ACTR10: variants seen among roughly 807,000 people sequenced by gnomAD.
ACTR10 encodes actin related protein 10, also known as actin-related protein 10.
In ACTR10, 43 loss-of-function variants were observed where a neutral mutation model predicts 56.2. The ratio of observed to expected loss-of-function variants is 0.77; its 90% CI spans 0.60 to 0.99. ACTR10 has a LOEUF of 0.99. Among genes scored for constraint, ACTR10 ranks in the 50% least tolerant of loss-of-function variants. The pLI, the probability that ACTR10 is intolerant of heterozygous loss-of-function variation, is 0.00. For synonymous variants in ACTR10, 170 were observed against 176.3 expected, an observed-to-expected ratio of 0.96 and a Z score of 0.28; for missense variants, 466 against 507.8, an observed-to-expected ratio of 0.92 and a Z score of 0.79.
At chr14:58,221,065 C>T (rs763211769) in intron 8 of ACTR10, among the ~76,000 whole-genome samples, 3 of 151,830 alleles carry the variant, frequency 2.0e-5, no homozygotes, top group East Asian at 3.9e-4. Flanking sequence ...GGGCGGATCA[C>T]GAGGTCAAAA....
intron 8 of ACTR10, among the ~76,000 whole-genome samples, chr14:58,223,275 T>C (rs1392913525): frequency 1.3e-5 from 2 of 152,146 alleles, no homozygotes; most frequent in Admixed American, 6.5e-5. Flanking sequence ...CAGCTGGGAT[T>C]ACAGGCACCC....
chr14:58,213,362 C>T (rs1889047868), intron 5 of ACTR10: 1 of 270,726 alleles, frequency 3.7e-6, no homozygotes, highest in Non-Finnish European at 6.9e-6. Context: ...TAAGTAGCTG[C>T]ACAGGCCTAG....
chr14:58,216,212 C>T (rs917432763), intron 7 of ACTR10, among the ~76,000 whole-genome samples: 32 of 152,270 alleles, frequency 2.1e-4, no homozygotes, highest in Admixed American at 5.2e-4. Context: ...GCAGTCTCCA[C>T]CTCCTAGGCT....
In ACTR10 at chr14:58,209,492, A is replaced by G. The variant is rs765771267; in HGVS notation, c.342+385A>G. The stretch of plus-strand genomic sequence containing the variant: ...TATATTCTGTGCTGTGGACTTTGCA[A>G]TGTATTTCTTCCAGATCTTTCTAGC... On this transcript the variant is annotated intron_variant, in intron 4 of 12. Coordinates refer to ENST00000254286, the MANE Select transcript of ACTR10 (RefSeq NM_018477.3). Among the ~76,000 whole-genome samples, 132 of 152,008 alleles carry G rather than the reference A, an allele frequency of 8.7e-4. 2 individuals are homozygous for G. Among genetic ancestry groups the G allele is most frequent in the Non-Finnish European group, 2.8e-4 (19 of 67,974 alleles).
chr14:58,228,448 G>A (rs910894221), intron 10 of ACTR10, among the ~76,000 whole-genome samples: 11 of 151,960 alleles, frequency 7.2e-5, no homozygotes, highest in African/African-American at 1.2e-4. Flanking sequence ...GCAAAACCCC[G>A]TCTCTACTGA....
intron 3 of ACTR10, 85 bp from the exon 4 acceptor site, chr14:58,208,914 G>A (rs1251924226): frequency 1.2e-6 from 1 of 824,118 alleles, no homozygotes. Flanking sequence ...AGCTAAGGTA[G>A]TACAGTTTCA....
rs1278691989 is a variant in ACTR10 at position 58,234,939 on chromosome 14, CT to C, written c.*389del. 1 of 152,894 alleles carries C rather than the reference CT, an allele frequency of 6.5e-6. No homozygotes were observed. Among genetic ancestry groups the C allele is most frequent in the African/African-American group, 2.4e-5 (1 of 40,974 alleles). 9.5% of individuals were successfully genotyped at this position (152,894 alleles called of 1,614,324 possible). A position where few individuals can be genotyped will look rare whatever the true frequency, so the allele number is the denominator to read the frequency against. On this transcript the variant is annotated 3_prime_UTR_variant, in exon 13 of 13. Coordinates refer to ENST00000254286, the MANE Select transcript of ACTR10 (RefSeq NM_018477.3). Reference sequence around the variant, plus strand: ...CGGGTTTACGCCATTCTGTCTCAGCCTCCTGAGTAGCTGGGACTATAGGCAT... The same window carrying C: ...CGGGTTTACGCCATTCTGTCTCAGCCCCTGAGTAGCTGGGACTATAGGCAT...
At position 58,211,844 on chromosome 14, in the gene ACTR10, A is replaced by G. The variant is rs1014669377; in HGVS notation, c.450+445A>G. 3.9e-5 allele frequency among the ~76,000 whole-genome samples: 6 copies of G among 152,134 alleles called. No individual in the cohort carries two copies. In the South Asian group the frequency reaches 1.2e-3, roughly 32 times the overall value. ...AGTCGCAGCTACTCAGGAGGCTGAG[A>G]CAGGAGAGTGGCGTGAACCCGGGAG... is the stretch of plus-strand genomic sequence containing the variant. On this transcript the variant is annotated intron_variant, in intron 5 of 12. Coordinates refer to ENST00000254286, the MANE Select transcript of ACTR10 (RefSeq NM_018477.3).
In ACTR10 at chr14:58,209,080, C is replaced by A. The variant is rs372194628; in HGVS notation, c.315C>A (p.Leu105=). The A allele has an allele frequency of 1.9e-6, 3 of 1,595,164 alleles. No individual in the cohort carries two copies. The South Asian group carries it at 3.4e-5, about 18-fold the overall frequency. ...VLCPSHFRET[L]TRVLFKYFEV... Reference sequence around the variant, plus strand: ...GTCCTTCTCACTTCAGAGAGACACTCACTCGTGTTCTTTTCAAATATTTTG... The same window carrying A: ...GTCCTTCTCACTTCAGAGAGACACTAACTCGTGTTCTTTTCAAATATTTTG... The change falls in exon 4 of 13, where the codon CTC becomes CTA. Residue 105 remains leucine (L), a synonymous_variant. Transcript: ENST00000254286.
chr14:58,207,895 TTTA>T (rs1222805561), intron 2 of ACTR10, 38 bp from the exon 3 acceptor site: 7 of 1,177,198 alleles, frequency 5.9e-6, no homozygotes, highest in Non-Finnish European at 7.9e-6. Context: ...TTGAGGTTAT[TTTA>T]TTAATATAAA....
chr14:58,232,404 C>CTTTTTTTTTTTTTTTT (rs5808963), intron 12 of ACTR10, 137 bp downstream of exon 12: 2 of 130,928 alleles, frequency 1.5e-5, no homozygotes, highest in African/African-American at 1.0e-4. Context: ...CTGACTTTTT[C>CTTTTTTTTTTTTTTTT]TTTTTTTTTT....
At position 58,212,857 on chromosome 14, in the gene ACTR10, C is replaced by G. The variant is rs117810120; in HGVS notation, c.451-774C>G. 6.7e-4 allele frequency among the ~76,000 whole-genome samples: 102 copies of G among 152,332 alleles called. No individual in the cohort carries two copies. The East Asian group carries it at 0.018, about 27-fold the overall frequency. On this transcript the variant is annotated intron_variant, in intron 5 of 12. Transcript: ENST00000254286. Reference sequence around the variant, plus strand: ...TCTAGGCTGGGTGCCGTGGCTCACACATGTAATCCTAGCACCTTGGGAGGC... The same window carrying G: ...TCTAGGCTGGGTGCCGTGGCTCACAGATGTAATCCTAGCACCTTGGGAGGC...
intron 1 of ACTR10, among the ~76,000 whole-genome samples, 172 bp downstream of exon 1, chr14:58,200,466 C>T (rs879834624): frequency 1.3e-5 from 2 of 152,200 alleles, no homozygotes; most frequent in Non-Finnish European, 2.9e-5. Flanking sequence ...CTGGGCGATG[C>T]GAATCCGAGG....
intron 1 of ACTR10, among the ~76,000 whole-genome samples, chr14:58,201,321 A>T (rs762628206): frequency 6.6e-6 from 1 of 152,222 alleles, no homozygotes; most frequent in Non-Finnish European, 1.5e-5. Context: ...TGAAAGCGTA[A>T]TAAACAGTTC....
chr14:58,211,921 C>G (rs989999774), intron 5 of ACTR10, among the ~76,000 whole-genome samples: 1 of 147,820 alleles, frequency 6.8e-6, no homozygotes, highest in Non-Finnish European at 1.5e-5. Context: ...GCCTGGGCGA[C>G]AGAGCGAGAC....
intron 6 of ACTR10, among the ~76,000 whole-genome samples, chr14:58,214,559 C>T (rs375485913): frequency 1.3e-5 from 2 of 151,612 alleles, no homozygotes; most frequent in Non-Finnish European, 2.9e-5. Flanking sequence ...GGCATGATCT[C>T]GGCTCACCGC....
chr14:58,203,264 C>T (rs531027477), intron 2 of ACTR10, among the ~76,000 whole-genome samples: 75 of 140,894 alleles, frequency 5.3e-4, no homozygotes, highest in African/African-American at 1.9e-3. Context: ...ATCAAGCCAT[C>T]GCACTCCAGC....
chr14:58,226,332 C>T (rs1404649889), intron 10 of ACTR10, among the ~76,000 whole-genome samples: 1 of 150,512 alleles, frequency 6.6e-6, no homozygotes, highest in Non-Finnish European at 1.5e-5. Context: ...CAGTTGGTCT[C>T]AAACTCCACT....
chr14:58,234,493 T>C lies in ACTR10; in HGVS notation c.1196T>C (p.Phe399Ser). 1 of 1,613,796 alleles carries C rather than the reference T, an allele frequency of 6.2e-7. No homozygotes were observed. Among genetic ancestry groups the C allele is most frequent in the Middle Eastern group, 1.7e-4 (1 of 6,058 alleles). ...SLNNPPLEMM[F>S]DVGKTQPPLM... ...AATAACCCACCTTTGGAAATGATGT[T>C]TGATGTCGGGAAAACTCAACCACCT... Residue 399 changes from phenylalanine (F) to serine (S), a missense_variant, in exon 13 of 13, where the codon TTT (phenylalanine) becomes TCT (serine). Transcript: ENST00000254286.
Sources: gnomAD v4.1 joint callset for allele counts (sites outside exome capture counted in the v4.1 genomes callset) on GRCh38, gnomAD v4.1.1 for gene constraint, MANE v1.5 for transcripts, NCBI Gene and HGNC (gene_info 2026-07-23, HGNC 2026-07-21) for gene names.